Variants in WDR7 observed in about 807,000 individuals in gnomAD.
WDR7 encodes the protein WD repeat-containing protein 7.
WDR7 carries 46 observed loss-of-function variants against 169.4 expected under a neutral mutation model. The ratio of observed to expected loss-of-function variants is 0.27; its 90% confidence interval spans 0.21 to 0.35. The LOEUF is 0.35. Among genes scored for constraint, WDR7 ranks in the 10% least tolerant of loss-of-function variants. The pLI is 1.00. For missense variants in WDR7, 1,534 were observed against 1,859.3 expected, an observed-to-expected ratio of 0.83 and a Z score of 3.22; for synonymous variants, 612 against 666.8, an observed-to-expected ratio of 0.92 and a Z score of 1.27.
At position 56,651,500 on chromosome 18, in the gene WDR7, A is replaced by C. The variant is rs1304154969; in HGVS notation, c.-96A>C. On this transcript the variant is annotated 5_prime_UTR_variant, in exon 1 of 28. Transcript: ENST00000254442. ...CCCGCATCCTCCGTAGTTCCGCCCT[A>C]TCCTTGTCCTCCTTGGCTGGGGCGC... The C allele has an allele frequency of 6.6e-6, 1 of 152,508 alleles. No homozygotes were observed. The highest frequency in any genetic ancestry group is 1.5e-5 in the Non-Finnish European group (1 of 68,328). The allele number at this position is 152,508 out of a possible 1,614,324, so 9.4% of individuals were successfully genotyped here.
chr18:56,930,926 A>G (rs951150801), intron 22 of WDR7, among the ~76,000 whole-genome samples: 10 of 152,180 alleles, frequency 6.6e-5, no homozygotes, highest in Admixed American at 6.5e-4. Flanking sequence ...GTGTTCTTAC[A>G]TGTAACTTTT....
chr18:56,864,125 G>A (rs2045848005), intron 20 of WDR7, among the ~76,000 whole-genome samples: 1 of 151,530 alleles, frequency 6.6e-6, no homozygotes, highest in South Asian at 2.1e-4. Context: ...TTGTGCTCTT[G>A]AGAGAAAAAA....
At chr18:57,001,047 AAGAGAGAGAGAG>A (rs10536689) in intron 26 of WDR7, among the ~76,000 whole-genome samples, 2,200 of 129,424 alleles carry the variant, frequency 0.017, 48 homozygotes, top group African/African-American at 0.056. Flanking sequence ...ATCTCTACAA[AAGAGAGAGAGAG>A]AGAGAGAGAG....
Position 56,697,787 on chromosome 18 carries a change from A to G in WDR7, c.1578+1325A>G, listed in dbSNP as rs565964219. On this transcript the variant is annotated intron_variant, in intron 12 of 27. Transcript: ENST00000254442. The stretch of plus-strand genomic sequence containing the variant: ...GATAATTCTATACTAGTTTAGAACA[A>G]CCATTTCTGTTTTGATTGATTTTGT... Among the ~76,000 whole-genome samples, 184 of 152,288 alleles carry G rather than the reference A, an allele frequency of 1.2e-3. 3 individuals carry two copies. In the South Asian group the frequency reaches 0.036, roughly 30 times the overall value.
At chr18:56,883,103 G>A (rs372150145) in intron 21 of WDR7, among the ~76,000 whole-genome samples, 7 of 151,900 alleles carry the variant, frequency 4.6e-5, no homozygotes, top group South Asian at 2.1e-4. Context: ...CCAGCTGCTC[G>A]GGAGGCTGAG....
At chr18:56,917,308 G>A (rs903418831) in intron 21 of WDR7, among the ~76,000 whole-genome samples, 3 of 152,104 alleles carry the variant, frequency 2.0e-5, no homozygotes, top group Non-Finnish European at 2.9e-5. Context: ...GAGAGGAAAA[G>A]TGAAATAGCA....
At chr18:56,989,186 G>T (rs2047773692) in intron 26 of WDR7, among the ~76,000 whole-genome samples, 1 of 151,908 alleles carries the variant, frequency 6.6e-6, no homozygotes, top group Non-Finnish European at 1.5e-5. Context: ...AGGACTTTCT[G>T]TGATGATAAA....
At chr18:56,937,724 A>G (rs1031784441) in intron 23 of WDR7, among the ~76,000 whole-genome samples, 1 of 152,184 alleles carries the variant, frequency 6.6e-6, no homozygotes, top group South Asian at 2.1e-4. Flanking sequence ...GAGTGTGGTT[A>G]AAGTCTTATT....
intron 7 of WDR7, among the ~76,000 whole-genome samples, chr18:56,688,700 G>A (rs546833656): frequency 1.3e-5 from 2 of 151,792 alleles, no homozygotes; most frequent in South Asian, 4.2e-4. Flanking sequence ...CTGCACTCCA[G>A]CCTGGCTGAC....
intron 19 of WDR7, among the ~76,000 whole-genome samples, chr18:56,806,235 A>G (rs952724423): frequency 1.3e-5 from 2 of 152,138 alleles, no homozygotes; most frequent in Non-Finnish European, 2.9e-5. Context: ...TTCTTTGCCT[A>G]GAATAACTAT....
chr18:57,027,331 C>T lies in WDR7; in HGVS notation c.*124C>T, dbSNP rs1014591201. On this transcript the variant is annotated 3_prime_UTR_variant, in exon 28 of 28. Transcript: ENST00000254442. ...CCCACCCCAGTGCCATCCAGTGGCA[C>T]GGCCGGGTCTTGTCACTTGTGCATG... 3.0e-5 allele frequency: 35 copies of T among 1,179,010 alleles called. No individual in the cohort carries two copies. Among genetic ancestry groups the T allele is most frequent in the African/African-American group, 1.7e-4 (9 of 53,562 alleles). 73.0% of individuals were successfully genotyped at this position (1,179,010 alleles called of 1,614,324 possible).
rs1302312285 is a variant in WDR7, at chr18:56,783,775, A to G, written c.3190+2119A>G. Among the ~76,000 whole-genome samples, 9 of 152,316 alleles carry G rather than the reference A, an allele frequency of 5.9e-5. No homozygotes were observed. In the East Asian group the frequency reaches 1.7e-3, roughly 29 times the overall value. ...ACACCAAAGATTAGTACAGGGTTGT[A>G]TTCTTGACAGAGAAAAACGTTGGGA... is the stretch of plus-strand genomic sequence containing the variant. On this transcript the variant is annotated intron_variant, in intron 19 of 27. Transcript: ENST00000254442.
chr18:56,695,090 G>A lies in WDR7; in HGVS notation c.1249G>A (p.Ala417Thr). The A allele has an allele frequency of 6.2e-7, 1 of 1,614,122 alleles. No homozygotes were observed. Among genetic ancestry groups the A allele is most frequent in the Non-Finnish European group, 8.5e-7 (1 of 1,180,024 alleles). ...LKVTASVYIPAHGRLVCGRED... is the reference protein window; with the variant it reads ...LKVTASVYIPTHGRLVCGRED... ...AGTAACTGCAAGTGTGTACATACCAGCACATGGACGACTTGTTTGTGGTCG... is the reference window on the plus strand; with the variant it reads ...AGTAACTGCAAGTGTGTACATACCAACACATGGACGACTTGTTTGTGGTCG... The change falls in exon 11 of 28, where the codon GCA (alanine) becomes ACA (threonine). Residue 417 changes from alanine to threonine, a missense_variant. Ala to Thr is a moderately conservative substitution (Grantham distance 58). Transcript: ENST00000254442.
At chr18:56,874,623 AAATT>A (rs1317303350) in intron 20 of WDR7, among the ~76,000 whole-genome samples, 3 of 152,158 alleles carry the variant, frequency 2.0e-5, no homozygotes, top group East Asian at 3.8e-4. Context: ...AAAATTCAAC[AAATT>A]AAGAAAATGT....
At position 57,027,176 on chromosome 18, in the gene WDR7, A is replaced by G. The variant is rs1599258880; in HGVS notation, c.4442A>G (p.His1481Arg). Residue 1481 changes from histidine to arginine, a missense_variant, in exon 28 of 28, where the codon CAT becomes CGT. Coordinates refer to ENST00000254442, the MANE Select transcript of WDR7 (RefSeq NM_015285.3). ...TSNRNVILMA[H>R]DGKEHRFMV The stretch of plus-strand genomic sequence containing the variant: ...AACCGCAACGTCATCCTCATGGCCC[A>G]TGACGGGAAGGAGCACCGCTTCATG... 3 of 1,614,014 alleles carry G rather than the reference A, an allele frequency of 1.9e-6. No homozygotes were observed. Among genetic ancestry groups the G allele is most frequent in the Non-Finnish European group, 2.5e-6 (3 of 1,179,964 alleles).
intron 1 of WDR7, among the ~76,000 whole-genome samples, chr18:56,653,722 T>A (rs1483299232): frequency 6.6e-6 from 1 of 152,206 alleles, no homozygotes; most frequent in African/African-American, 2.4e-5. Context: ...GTTCTTTGCT[T>A]CCAAGTGCTG....
rs1157411741 is a variant in WDR7, at chr18:57,027,494, A to C, written c.*287A>C. 3 of 464,114 alleles carry C rather than the reference A, an allele frequency of 6.5e-6. No individual in the cohort carries two copies. The highest frequency in any genetic ancestry group is 7.8e-6 in the Non-Finnish European group (2 of 257,594). 28.7% of individuals were successfully genotyped at this position (464,114 alleles called of 1,614,324 possible). A position where few individuals can be genotyped will look rare whatever the true frequency, so the allele number is the denominator to read the frequency against. On this transcript the variant is annotated 3_prime_UTR_variant, in exon 28 of 28. Coordinates refer to ENST00000254442, the MANE Select transcript of WDR7 (RefSeq NM_015285.3). ...AGGGGAAAGCCAGTGGTTCCTGGGAACGCTCTTGTTGCTTGGTGCAACAGA... is the reference window on the plus strand; with the variant it reads ...AGGGGAAAGCCAGTGGTTCCTGGGACCGCTCTTGTTGCTTGGTGCAACAGA...
chr18:56,720,981 C>G (rs1342043591), intron 13 of WDR7, among the ~76,000 whole-genome samples: 2 of 151,770 alleles, frequency 1.3e-5, no homozygotes, highest in Non-Finnish European at 2.9e-5. Flanking sequence ...TACAAAGTTC[C>G]CTGGGGAGTC....
intron 11 of WDR7, 105 bp downstream of exon 11, chr18:56,695,303 A>T: frequency 6.9e-7 from 1 of 1,445,406 alleles, no homozygotes; most frequent in African/African-American, 1.4e-5. Context: ...GAATCAGTGT[A>T]GTTAGTTGTT....
Sources: gnomAD v4.1 joint callset for allele counts (sites outside exome capture counted in the v4.1 genomes callset) on GRCh38, gnomAD v4.1.1 for gene constraint, MANE v1.5 for transcripts, NCBI Gene and HGNC (gene_info 2026-07-23, HGNC 2026-07-21) for gene names.